The following SRGAP3 variants were observed in gnomAD, a reference collection of about 807,000 sequenced individuals.
The protein encoded by SRGAP3 is SLIT-ROBO Rho GTPase activating protein 3.
Under a neutral mutation model 121.1 loss-of-function variants are expected in SRGAP3, and 39 were observed. That is an observed-to-expected ratio of 0.32 (90% CI 0.25 to 0.42). The LOEUF is 0.42. Among genes scored for constraint, SRGAP3 ranks in the 10% least tolerant of loss-of-function variants. The pLI, the probability that SRGAP3 is intolerant of heterozygous loss-of-function variation, is 1.00. For synonymous variants in SRGAP3, 601 were observed against 570.0 expected (o/e 1.05, Z -0.77); for missense variants, 1,213 against 1,470.6 (o/e 0.82, Z 2.86).
At chr3:9,181,163 G>C (rs1205023148) in intron 1 of SRGAP3, among the ~76,000 whole-genome samples, 1 of 152,190 alleles carries the variant, frequency 6.6e-6, no homozygotes, top group Non-Finnish European at 1.5e-5. Flanking sequence ...TGAGAGAATT[G>C]AATGAAATTA....
intron 2 of SRGAP3, among the ~76,000 whole-genome samples, chr3:9,119,174 T>A (rs1422413891): frequency 6.6e-6 from 1 of 152,098 alleles, no homozygotes; most frequent in African/African-American, 2.4e-5. Flanking sequence ...CTTCCCCAAG[T>A]CCTTCCCATC....
intron 1 of SRGAP3, among the ~76,000 whole-genome samples, chr3:9,236,996 C>T (rs187012181): frequency 6.6e-6 from 1 of 152,286 alleles, no homozygotes; most frequent in African/African-American, 2.4e-5. Context: ...TGCAATCGGC[C>T]ACCTGTTCAC....
intron 3 of SRGAP3, among the ~76,000 whole-genome samples, chr3:9,319,599 G>T (rs1294530570): frequency 6.6e-6 from 1 of 151,884 alleles, no homozygotes; most frequent in Non-Finnish European, 1.5e-5. Context: ...GCAGGTCAAG[G>T]AGTAATCATT....
chr3:8,990,600 T>G lies in SRGAP3; in HGVS notation c.2798A>C (p.Glu933Ala). Residue 933 changes from glutamate (E) to alanine (A), a missense_variant, in exon 21 of 22, where the codon GAA (glutamate) becomes GCA (alanine). Glu to Ala is a moderately radical substitution (Grantham distance 107). Around this residue, in one of 2 missense-constraint regions of SRGAP3, gnomAD observed 420 missense variants for 437.7 expected, o/e 0.96. Transcript: ENST00000383836. ...INYPDKKALS[E>A]GHSMRSTCGS... ...GCAGGTCGACCTCATCGAGTGCCCT[T>G]CGGAGAGCGCCTTCTTGTCAGGGTA... The G allele has an allele frequency of 6.2e-7, 1 of 1,607,534 alleles. No individual in the cohort carries two copies. Among genetic ancestry groups the G allele is most frequent in the Non-Finnish European group, 8.5e-7 (1 of 1,177,340 alleles).
At chr3:9,125,091 G>T in intron 1 of SRGAP3, 174 bp from the exon 2 acceptor site, 2 of 722,400 alleles carry the variant, frequency 2.8e-6, no homozygotes, top group East Asian at 5.5e-5. Flanking sequence ...TTGGCACAAA[G>T]ATTTCTCTCT....
At chr3:9,034,504 T>A (rs1488436159) in intron 11 of SRGAP3, 4 of 152,226 alleles carry the variant, frequency 2.6e-5, no homozygotes, top group Non-Finnish European at 4.4e-5. Flanking sequence ...TCTAACCAAC[T>A]TCTCCTAGGT....
chr3:9,306,657 AT>A (rs1955166404), intron 3 of SRGAP3, among the ~76,000 whole-genome samples: 1 of 152,192 alleles, frequency 6.6e-6, no homozygotes, highest in Admixed American at 6.5e-5. Flanking sequence ...TCCCAGCACC[AT>A]TTATTAAATA....
chr3:9,057,117 C>G (rs561092138), intron 7 of SRGAP3, among the ~76,000 whole-genome samples: 2 of 152,258 alleles, frequency 1.3e-5, no homozygotes, highest in South Asian at 4.1e-4. Flanking sequence ...TTAACAGAGA[C>G]AGGGTTTCAC....
chr3:9,327,744 G>A (rs1026481355), intron 2 of SRGAP3, among the ~76,000 whole-genome samples: 13 of 152,108 alleles, frequency 8.5e-5, no homozygotes, highest in African/African-American at 3.1e-4. Context: ...CATTTAGGAG[G>A]CCTAATTACC....
At chr3:9,272,428 G>C (rs929141426) in intron 3 of SRGAP3, among the ~76,000 whole-genome samples, 1 of 152,092 alleles carries the variant, frequency 6.6e-6, no homozygotes, top group African/African-American at 2.4e-5. Flanking sequence ...CCAGCTCCTG[G>C]TAGCCTCCAT....
intron 1 of SRGAP3, among the ~76,000 whole-genome samples, chr3:9,173,158 C>T (rs1951050048): frequency 6.6e-6 from 1 of 152,214 alleles, no homozygotes; most frequent in African/African-American, 2.4e-5. Flanking sequence ...GCGCTTCCCA[C>T]ACTCCCTGCT....
intron 3 of SRGAP3, among the ~76,000 whole-genome samples, chr3:9,303,778 CA>C (rs1254610951): frequency 1.3e-5 from 2 of 152,188 alleles, no homozygotes; most frequent in Non-Finnish European, 2.9e-5. Context: ...ACTTGATAAA[CA>C]TTACTTCATT....
At chr3:9,183,573 T>C (rs976544762) in intron 1 of SRGAP3, among the ~76,000 whole-genome samples, 30 of 152,048 alleles carry the variant, frequency 2.0e-4, no homozygotes, top group African/African-American at 7.3e-4. Flanking sequence ...TAACAGTGCT[T>C]ACTTGGGGCA....
intron 9 of SRGAP3, chr3:9,049,561 C>T (rs1945458393): frequency 2.2e-6 from 1 of 452,008 alleles, no homozygotes; most frequent in African/African-American, 2.0e-5. Flanking sequence ...CCTGTCCTCC[C>T]CAGTGTAAAC....
chr3:9,208,168 G>C (rs1952329147), intron 1 of SRGAP3, among the ~76,000 whole-genome samples: 1 of 151,338 alleles, frequency 6.6e-6, no homozygotes, highest in South Asian at 2.1e-4. Flanking sequence ...GCAAGAGTAT[G>C]TCCACCCTTT....
At chr3:8,997,185 T>C (rs1470606518) in intron 18 of SRGAP3, among the ~76,000 whole-genome samples, 2 of 152,170 alleles carry the variant, frequency 1.3e-5, no homozygotes, top group African/African-American at 4.8e-5. Flanking sequence ...CTCCCCCTCA[T>C]CACTCTCCCA....
chr3:9,233,845 A>G (rs371472240), intron 1 of SRGAP3, among the ~76,000 whole-genome samples: 31 of 152,348 alleles, frequency 2.0e-4, no homozygotes, highest in African/African-American at 7.5e-4. Flanking sequence ...ACAGAATTAT[A>G]AAGTCTGTGC....
At chr3:9,288,580 C>CT (rs71049785) in intron 3 of SRGAP3, among the ~76,000 whole-genome samples, 35,009 of 143,326 alleles carry the variant, frequency 0.24, 5,159 homozygotes, top group Admixed American at 0.38. Flanking sequence ...TTCACTTTGT[C>CT]TTTTTTTTTT....
chr3:9,039,293 T>G (rs1322428207), intron 10 of SRGAP3, among the ~76,000 whole-genome samples: 1 of 152,218 alleles, frequency 6.6e-6, no homozygotes, highest in African/African-American at 2.4e-5. Context: ...CTCCTCATTC[T>G]GCCCAACCTC....
Sources: allele counts gnomAD v4.1 joint callset (sites outside exome capture counted in the v4.1 genomes callset), GRCh38; gene constraint gnomAD v4.1.1; regional missense constraint gnomAD v4.1.1; transcripts MANE v1.5; gene names NCBI Gene and HGNC (gene_info 2026-07-23, HGNC 2026-07-21).